Variants in GPR63 observed in about 807,000 individuals in gnomAD.
GPR63 encodes the protein G protein-coupled receptor 63.
GPR63 carries 12 observed loss-of-function variants against 23.1 expected under a neutral mutation model. That is an observed-to-expected ratio of 0.52 (90% CI 0.33 to 0.84). GPR63 has a LOEUF of 0.84. Ranked by LOEUF, GPR63 falls within the 40% of genes least tolerant of loss-of-function variation. The pLI, the probability that GPR63 is intolerant of heterozygous loss-of-function variation, is 0.02. For missense variants in GPR63, 472 were observed against 515.6 expected, an observed-to-expected ratio of 0.92 and a Z score of 0.82; for synonymous variants, 172 against 191.1, an observed-to-expected ratio of 0.90 and a Z score of 0.82.
intron 1 of GPR63, among the ~76,000 whole-genome samples, chr6:96,810,937 A>C (rs1410961734): frequency 6.6e-6 from 1 of 152,204 alleles, no homozygotes; most frequent in Non-Finnish European, 1.5e-5. Flanking sequence ...TGCAAGCTGC[A>C]ACCTATCTTA....
chr6:96,830,421 T>A (rs567174096), intron 1 of GPR63, among the ~76,000 whole-genome samples: 1 of 152,310 alleles, frequency 6.6e-6, no homozygotes, highest in Non-Finnish European at 1.5e-5. Context: ...GAAAATATAG[T>A]TCCTTTTATT....
chr6:96,797,522 T>C lies in GPR63; in HGVS notation c.*950A>G, dbSNP rs1379337173. ...GGATTTTAGTCCCTCTGAGACCTGC[T>C]TTCTTCACCTGTAAAAATGAAAACA... is the stretch of plus-strand genomic sequence containing the variant. On this transcript the variant is annotated 3_prime_UTR_variant, in exon 2 of 2. Coordinates refer to ENST00000229955, the MANE Select transcript of GPR63 (RefSeq NM_030784.4). 6.6e-6 allele frequency: 1 copy of C among 152,182 alleles called. No homozygotes were observed. Among genetic ancestry groups the C allele is most frequent in the Non-Finnish European group, 1.5e-5 (1 of 68,056 alleles). 9.4% of individuals were successfully genotyped at this position (152,182 alleles called of 1,614,324 possible). A position where few individuals can be genotyped will look rare whatever the true frequency, so the allele number is the denominator to read the frequency against.
At chr6:96,815,361 A>G (rs1774138201) in intron 1 of GPR63, among the ~76,000 whole-genome samples, 1 of 152,252 alleles carries the variant, frequency 6.6e-6, no homozygotes, top group African/African-American at 2.4e-5. Context: ...TATAGGAAGT[A>G]TCCAAAATAG....
chr6:96,826,195 C>CT (rs1774434399), intron 1 of GPR63, among the ~76,000 whole-genome samples: 1 of 152,108 alleles, frequency 6.6e-6, no homozygotes, highest in Non-Finnish European at 1.5e-5. Context: ...TTAACTTTAC[C>CT]TACTACCATT....
intron 1 of GPR63, among the ~76,000 whole-genome samples, chr6:96,803,890 C>T (rs562188042): frequency 2.4e-4 from 37 of 152,244 alleles, no homozygotes; most frequent in South Asian, 4.2e-4. Context: ...CTTTATTTGC[C>T]ATTTGTTGGA....
intron 1 of GPR63, among the ~76,000 whole-genome samples, chr6:96,805,950 T>A (rs907822626): frequency 6.6e-6 from 1 of 152,192 alleles, no homozygotes; most frequent in African/African-American, 2.4e-5. Flanking sequence ...TCAACATATT[T>A]CCTGGCATCT....
intron 1 of GPR63, among the ~76,000 whole-genome samples, chr6:96,804,872 A>T (rs1773856867): frequency 6.6e-6 from 1 of 152,174 alleles, no homozygotes; most frequent in Non-Finnish European, 1.5e-5. Flanking sequence ...AGTTATGTAA[A>T]TAGTATATTT....
Position 96,794,240 on chromosome 6 carries a change from G to A in GPR63, c.*4232C>T, listed in dbSNP as rs1380754028. On this transcript the variant is annotated 3_prime_UTR_variant, in exon 2 of 2. Transcript: ENST00000229955. ...TAAATATTAGAACCCATAATTCAAG[G>A]TTGTTTTTTTTTCCATACAGGTCAG... 2 of 151,724 alleles carry A rather than the reference G, an allele frequency of 1.3e-5. No homozygotes were observed. The highest frequency in any genetic ancestry group is 1.9e-4 in the East Asian group (1 of 5,170). 9.4% of individuals were successfully genotyped at this position (151,724 alleles called of 1,614,324 possible). A position where few individuals can be genotyped will look rare whatever the true frequency, so the allele number is the denominator to read the frequency against.
At chr6:96,837,211 G>C (rs1774755360) in intron 1 of GPR63, 57 bp downstream of exon 1, 1 of 152,260 alleles carries the variant, frequency 6.6e-6, no homozygotes. Context: ...CGCCCCGAGC[G>C]GCTACCTGTC....
rs143993808 is a variant in GPR63 at position 96,834,007 on chromosome 6, T to G, written c.-151+3261A>C. 3.1e-3 allele frequency among the ~76,000 whole-genome samples: 466 copies of G among 152,300 alleles called. 3 individuals are homozygous for G. Among genetic ancestry groups the G allele is most frequent in the Non-Finnish European group, 5.4e-3 (369 of 68,018 alleles). On this transcript the variant is annotated intron_variant, in intron 1 of 1. Coordinates refer to ENST00000229955, the MANE Select transcript of GPR63 (RefSeq NM_030784.4). ...AAATCCAACTTTTCTAACTCTTCAT[T>G]ATGTTTATAATGAACATGAATGAGC...
chr6:96,832,425 T>G (rs968252319), intron 1 of GPR63, among the ~76,000 whole-genome samples: 1 of 113,588 alleles, frequency 8.8e-6, no homozygotes, highest in East Asian at 2.8e-4. Context: ...CCACCATACC[T>G]GACTAACTTT....
In GPR63 at chr6:96,799,868, A is replaced by G. The variant is rs1387627478; in HGVS notation, c.-137T>C. On this transcript the variant is annotated 5_prime_UTR_variant, in exon 2 of 2. Coordinates refer to ENST00000229955, the MANE Select transcript of GPR63 (RefSeq NM_030784.4). ...ATGGACAATGAGTTCCATCTTCCAC[A>G]AGAGTCCTTTTGCCTGAAAATAAAA... 1 of 830,830 alleles carries G rather than the reference A, an allele frequency of 1.2e-6. No individual in the cohort carries two copies. The highest frequency in any genetic ancestry group is 1.7e-5 in the African/African-American group (1 of 58,524). 51.5% of individuals were successfully genotyped at this position (830,830 alleles called of 1,614,324 possible).
chr6:96,815,944 C>G (rs1774152586), intron 1 of GPR63, among the ~76,000 whole-genome samples: 1 of 152,016 alleles, frequency 6.6e-6, no homozygotes, highest in Admixed American at 6.6e-5. Context: ...GTTAATATGA[C>G]CTGTACCACA....
chr6:96,808,440 G>A (rs1305404738), intron 1 of GPR63, among the ~76,000 whole-genome samples: 1 of 152,136 alleles, frequency 6.6e-6, no homozygotes, highest in East Asian at 1.9e-4. Context: ...TTCCCATGGG[G>A]TTGCTAAAAC....
At chr6:96,836,482 A>G (rs970375675) in intron 1 of GPR63, among the ~76,000 whole-genome samples, 4 of 152,170 alleles carry the variant, frequency 2.6e-5, no homozygotes, top group African/African-American at 7.2e-5. Context: ...CCTGCATGCT[A>G]CTATAGGGAT....
At chr6:96,811,329 G>A (rs1582258636) in intron 1 of GPR63, among the ~76,000 whole-genome samples, 1 of 152,198 alleles carries the variant, frequency 6.6e-6, no homozygotes, top group African/African-American at 2.4e-5. Flanking sequence ...ACTCATTACT[G>A]ACAGCAGAAT....
chr6:96,836,295 T>C (rs1484256212), intron 1 of GPR63, among the ~76,000 whole-genome samples: 2 of 152,214 alleles, frequency 1.3e-5, no homozygotes, highest in African/African-American at 4.8e-5. Flanking sequence ...TCTGAAGCAG[T>C]ATCAGCTTAT....
intron 1 of GPR63, among the ~76,000 whole-genome samples, chr6:96,828,915 C>G (rs1201895031): frequency 6.6e-6 from 1 of 152,054 alleles, no homozygotes. Context: ...ATTAGAGATA[C>G]AGAAGGTATG....
chr6:96,832,844 T>C (rs571897031), intron 1 of GPR63, among the ~76,000 whole-genome samples: 5 of 151,896 alleles, frequency 3.3e-5, no homozygotes, highest in African/African-American at 4.8e-5. Flanking sequence ...ACATGAACTA[T>C]AGAAACAAAA....
Sources: allele counts gnomAD v4.1 joint callset (sites outside exome capture counted in the v4.1 genomes callset), GRCh38; gene constraint gnomAD v4.1.1; transcripts MANE v1.5; gene names NCBI Gene and HGNC (gene_info 2026-07-23, HGNC 2026-07-21).